The following FGF2 variants were observed in gnomAD, a reference collection of about 807,000 sequenced individuals.
The protein encoded by FGF2 is basic fibroblast growth factor bFGF.
FGF2 carries 13 observed loss-of-function variants against 15.9 expected under a neutral mutation model. That is an observed-to-expected ratio of 0.82 (90% CI 0.53 to 1.30). The LOEUF is 1.30. Ranked by LOEUF, FGF2 falls within the 50% of genes most tolerant of loss-of-function variation. The probability of loss-of-function intolerance (pLI) is 0.00; values close to 1 mark genes in which losing one functional copy is unlikely to be tolerated. For missense variants in FGF2, 163 were observed against 196.9 expected, an observed-to-expected ratio of 0.83 and a Z score of 1.03; for synonymous variants, 90 against 78.4, an observed-to-expected ratio of 1.15 and a Z score of -0.78.
chr4:122,860,446 A>AGT (rs1726436636), intron 1 of FGF2, among the ~76,000 whole-genome samples: 1 of 86,916 alleles, frequency 1.2e-5, no homozygotes, highest in Non-Finnish European at 2.8e-5. Flanking sequence ...CCTAAGGTTA[A>AGT]CTTTTTTTTT....
At chr4:122,826,798 A>T, upstream of FGF2, 1 of 1,427,604 alleles carries the variant, frequency 7.0e-7, no homozygotes, top group Non-Finnish European at 9.3e-7. Flanking sequence ...GGGGGTGGAG[A>T]TGTAGAAGAT....
At chr4:122,858,137 A>G (rs1256744415) in intron 1 of FGF2, among the ~76,000 whole-genome samples, 2 of 152,206 alleles carry the variant, frequency 1.3e-5, no homozygotes, top group African/African-American at 4.8e-5. Context: ...CTGGGTGTCT[A>G]ATGTTCTTAT....
rs1030138664 is a variant in FGF2 at position 122,894,449 on chromosome 4, G to T, written c.*2053G>T. Reference sequence around the variant, plus strand: ...AACACAAAAAATAGCCAGGCATGGTGGCGTGTACATGTGGTCTCAGATACT... The same window carrying T: ...AACACAAAAAATAGCCAGGCATGGTTGCGTGTACATGTGGTCTCAGATACT... On this transcript the variant is annotated 3_prime_UTR_variant, in exon 3 of 3. Coordinates refer to ENST00000644866, the MANE Select transcript of FGF2 (RefSeq NM_001361665.2). 6.6e-6 allele frequency: 1 copy of T among 152,212 alleles called. No individual in the cohort carries two copies. The highest frequency in any genetic ancestry group is 1.5e-5 in the Non-Finnish European group (1 of 68,086). 9.4% of individuals were successfully genotyped at this position (152,212 alleles called of 1,614,324 possible).
chr4:122,872,159 C>A (rs527460998), intron 1 of FGF2, among the ~76,000 whole-genome samples: 2 of 152,152 alleles, frequency 1.3e-5, no homozygotes, highest in South Asian at 4.2e-4. Context: ...ACTAGAATAA[C>A]CAGTTTAGAG....
At chr4:122,826,726 G>A, upstream of FGF2, 1 of 1,257,236 alleles carries the variant, frequency 8.0e-7, no homozygotes, top group Non-Finnish European at 1.0e-6. Flanking sequence ...GAAAACCCGA[G>A]CGAGTAGGGG....
chr4:122,838,411 A>C (rs1051565782), intron 1 of FGF2, among the ~76,000 whole-genome samples: 5 of 152,350 alleles, frequency 3.3e-5, no homozygotes, highest in Middle Eastern at 6.8e-3. Flanking sequence ...CCAGCTTTAT[A>C]AATAATATCT....
intron 1 of FGF2, among the ~76,000 whole-genome samples, chr4:122,832,227 G>A (rs1250167391): frequency 6.6e-6 from 1 of 152,128 alleles, no homozygotes; most frequent in African/African-American, 2.4e-5. Context: ...AACGGAGCAA[G>A]GCAAATCTGT....
In FGF2 at chr4:122,835,336, C is replaced by A. The variant is rs184596577; in HGVS notation, c.178+7984C>A. 4.3e-4 allele frequency among the ~76,000 whole-genome samples: 65 copies of A among 151,526 alleles called. 3 individuals are homozygous for A. In the East Asian group the frequency reaches 0.012, roughly 29 times the overall value. ...CAACTGTCTTTTTTTCCACTTTCTT[C>A]TGTTTTTTTTTTGCATTTGTATTCC... On this transcript the variant is annotated intron_variant, in intron 1 of 2. Coordinates refer to ENST00000644866, the MANE Select transcript of FGF2 (RefSeq NM_001361665.2).
At chr4:122,865,555 G>C (rs758476357) in intron 1 of FGF2, among the ~76,000 whole-genome samples, 4 of 152,114 alleles carry the variant, frequency 2.6e-5, no homozygotes, top group Non-Finnish European at 5.9e-5. Context: ...AAAGTACTGA[G>C]ATTATAGGCA....
rs1171202512 is a variant in FGF2 at position 122,892,921 on chromosome 4, C to T, written c.*525C>T. The T allele has an allele frequency of 1.2e-6, 2 of 1,613,954 alleles. No individual in the cohort carries two copies. Among genetic ancestry groups the T allele is most frequent in the African/African-American group, 2.7e-5 (2 of 74,888 alleles). On this transcript the variant is annotated 3_prime_UTR_variant, in exon 3 of 3. Transcript: ENST00000644866. The stretch of plus-strand genomic sequence containing the variant: ...CTGTGTAAACTGCTGGAAGTTCTTC[C>T]ACAGTCAGGTCAATTTTGTCAAACC...
chr4:122,856,618 T>G (rs1166442088), intron 1 of FGF2, among the ~76,000 whole-genome samples: 1 of 152,248 alleles, frequency 6.6e-6, no homozygotes, highest in Non-Finnish European at 1.5e-5. Flanking sequence ...GCTGGTATTT[T>G]CTAAATTAAA....
At chr4:122,875,930 A>T (rs1726836882) in intron 1 of FGF2, among the ~76,000 whole-genome samples, 1 of 152,354 alleles carries the variant, frequency 6.6e-6, no homozygotes, top group East Asian at 1.9e-4. Flanking sequence ...GAATTCTCCT[A>T]CACTTTTATG....
At chr4:122,851,050 T>C (rs308436) in intron 1 of FGF2, among the ~76,000 whole-genome samples, 152,222 of 152,310 alleles carry the variant, frequency 1, 76,067 homozygotes, top group Middle Eastern at 1. Context: ...CTACTTCCCC[T>C]GCTCCCCCAT....
At position 122,897,682 on chromosome 4, in the gene FGF2, C is replaced by A; in HGVS notation, c.*5286C>A. ...GAAACTTCCACATATTTTTCAACTG[C>A]AGTATAAAGTCAGAAAATAAAGTTA... On this transcript the variant is annotated 3_prime_UTR_variant, in exon 3 of 3. Coordinates refer to ENST00000644866, the MANE Select transcript of FGF2 (RefSeq NM_001361665.2). 8.8e-6 allele frequency: 14 copies of A among 1,595,472 alleles called. No homozygotes were observed. The highest frequency in any genetic ancestry group is 1.2e-5 in the Non-Finnish European group (14 of 1,163,104).
intron 1 of FGF2, among the ~76,000 whole-genome samples, chr4:122,848,047 T>A (rs1206144887): frequency 2.0e-5 from 3 of 152,242 alleles, no homozygotes; most frequent in Non-Finnish European, 4.4e-5. Flanking sequence ...TTTGTTGACA[T>A]AAACCCTAGA....
At chr4:122,841,780 G>A (rs1179045777) in intron 1 of FGF2, among the ~76,000 whole-genome samples, 1 of 152,158 alleles carries the variant, frequency 6.6e-6, no homozygotes, top group Non-Finnish European at 1.5e-5. Flanking sequence ...TGTGTAGCAG[G>A]AAAATTCACT....
Position 122,833,426 on chromosome 4 carries a change from A to C in FGF2, c.178+6074A>C, listed in dbSNP as rs902202369. On this transcript the variant is annotated intron_variant, in intron 1 of 2. Coordinates refer to ENST00000644866, the MANE Select transcript of FGF2 (RefSeq NM_001361665.2). ...TAATTTATAATTAAGCTATACATTAATTTATAATGAAAACTTGTAATTAAA... is the reference window on the plus strand; with the variant it reads ...TAATTTATAATTAAGCTATACATTACTTTATAATGAAAACTTGTAATTAAA... Among the ~76,000 whole-genome samples the C allele has an allele frequency of 3.3e-5, 5 of 152,006 alleles. 1 individual carries two copies. The highest frequency in any genetic ancestry group is 6.5e-5 in the Admixed American group (1 of 15,272).
intron 2 of FGF2, among the ~76,000 whole-genome samples, chr4:122,880,762 C>A (rs1726946017): frequency 1.3e-5 from 2 of 152,272 alleles, no homozygotes; most frequent in East Asian, 1.9e-4. Context: ...GTAGATCTAC[C>A]ATTCTGGGGT....
intron 1 of FGF2, among the ~76,000 whole-genome samples, chr4:122,844,439 GTTAATAT>G (rs1726058195): frequency 6.6e-6 from 1 of 152,120 alleles, no homozygotes; most frequent in Non-Finnish European, 1.5e-5. Flanking sequence ...TCTTAGTAGT[GTTAATAT>G]TTTGACTTCC....
Sources: allele counts gnomAD v4.1 joint callset (sites outside exome capture counted in the v4.1 genomes callset), GRCh38; gene constraint gnomAD v4.1.1; transcripts MANE v1.5; gene names NCBI Gene and HGNC (gene_info 2026-07-23, HGNC 2026-07-21).